SMOC2: variants seen among roughly 807,000 people sequenced by gnomAD.
SMOC2 encodes SPARC related modular calcium binding 2.
Under a neutral mutation model 61.4 loss-of-function variants are expected in SMOC2, and 39 were observed. The observed-to-expected ratio is 0.64, with a 90% confidence interval of 0.49 to 0.83. SMOC2 has a LOEUF of 0.83. Ranked by LOEUF, SMOC2 falls within the 40% of genes least tolerant of loss-of-function variation. SMOC2 has a pLI of 0.00. For missense variants in SMOC2, 556 were observed against 592.9 expected (o/e 0.94, Z 0.65); for synonymous variants, 247 against 239.9 (o/e 1.03, Z -0.27).
At chr6:168,517,352 C>T (rs1281428731) in intron 2 of SMOC2, among the ~76,000 whole-genome samples, 1 of 152,226 alleles carries the variant, frequency 6.6e-6, no homozygotes, top group Non-Finnish European at 1.5e-5. Flanking sequence ...CAGGCCTTCT[C>T]AAGCCGCCTC....
chr6:168,449,797 T>C (rs1464159094), intron 1 of SMOC2, among the ~76,000 whole-genome samples: 1 of 152,226 alleles, frequency 6.6e-6, no homozygotes, highest in Non-Finnish European at 1.5e-5. Flanking sequence ...AATAAACACG[T>C]GCTTTTCTGT....
intron 1 of SMOC2, among the ~76,000 whole-genome samples, chr6:168,485,594 C>T (rs1782312427): frequency 1.3e-5 from 2 of 152,004 alleles, no homozygotes; most frequent in South Asian, 4.2e-4. Flanking sequence ...ATATGAGTCT[C>T]TATATAAAAT....
At chr6:168,468,916 T>G (rs901900685) in intron 1 of SMOC2, among the ~76,000 whole-genome samples, 3 of 152,222 alleles carry the variant, frequency 2.0e-5, no homozygotes, top group African/African-American at 7.2e-5. Flanking sequence ...GTTAAGCAGT[T>G]TTATCCATAA....
At chr6:168,569,282 G>A (rs1361569905) in intron 7 of SMOC2, among the ~76,000 whole-genome samples, 1 of 152,064 alleles carries the variant, frequency 6.6e-6, no homozygotes, top group African/African-American at 2.4e-5. Context: ...AATGACATAG[G>A]GTATTGAATG....
At chr6:168,504,087 T>C (rs1264170501) in intron 1 of SMOC2, among the ~76,000 whole-genome samples, 1 of 152,098 alleles carries the variant, frequency 6.6e-6, no homozygotes, top group Non-Finnish European at 1.5e-5. Flanking sequence ...GATTTCTTCC[T>C]ACTGCTGGCC....
intron 1 of SMOC2, among the ~76,000 whole-genome samples, chr6:168,494,843 TCA>T (rs1782550144): frequency 1.3e-5 from 2 of 152,322 alleles, no homozygotes; most frequent in African/African-American, 4.8e-5. Flanking sequence ...TGGGATGGAA[TCA>T]CAGCCTTGTC....
intron 7 of SMOC2, among the ~76,000 whole-genome samples, chr6:168,578,123 G>A (rs142196911): frequency 7.9e-5 from 12 of 152,324 alleles, no homozygotes; most frequent in Admixed American, 2.6e-4. Flanking sequence ...AACAATCACC[G>A]TGCATTTGCA....
At chr6:168,637,949 T>A (rs1786784631) in intron 9 of SMOC2, among the ~76,000 whole-genome samples, 2 of 150,830 alleles carry the variant, frequency 1.3e-5, no homozygotes, top group African/African-American at 4.9e-5. Flanking sequence ...AGCTGGATGC[T>A]GAGCGGGAGC....
intron 7 of SMOC2, among the ~76,000 whole-genome samples, chr6:168,558,234 T>C (rs1258731811): frequency 6.6e-6 from 1 of 152,174 alleles, no homozygotes; most frequent in Non-Finnish European, 1.5e-5. Flanking sequence ...CTTCTCATTG[T>C]CTTATTTAGG....
At chr6:168,547,086 T>G in intron 5 of SMOC2, 33 bp from the exon 6 acceptor site, 6 of 1,613,928 alleles carry the variant, frequency 3.7e-6, no homozygotes, top group Non-Finnish European at 5.1e-6. Flanking sequence ...ATAATTGTAG[T>G]CTCCTTGCAA....
chr6:168,619,047 C>G lies in SMOC2; in HGVS notation c.907+10808C>G, dbSNP rs1381748786. Among the ~76,000 whole-genome samples, 5 of 152,188 alleles carry G rather than the reference C, an allele frequency of 3.3e-5. 1 individual carries two copies. On this transcript the variant is annotated intron_variant, in intron 9 of 12. Transcript: ENST00000356284. ...GTGTTAGATGACCTATGACCTGACACAAAATGACCCTCAGCACGGATCGGA... is the reference window on the plus strand; with the variant it reads ...GTGTTAGATGACCTATGACCTGACAGAAAATGACCCTCAGCACGGATCGGA...
In SMOC2 at chr6:168,541,347, C is replaced by T. The variant is rs547820683; in HGVS notation, c.464-2278C>T. Reference sequence around the variant, plus strand: ...AGCCCGGGGTTCACAAAGGTGTTCACTGTCTGCAGACACTGTGCGTATCAG... The same window carrying T: ...AGCCCGGGGTTCACAAAGGTGTTCATTGTCTGCAGACACTGTGCGTATCAG... On this transcript the variant is annotated intron_variant, in intron 4 of 12. Coordinates refer to ENST00000356284, the MANE Select transcript of SMOC2 (RefSeq NM_001166412.2). Among the ~76,000 whole-genome samples, 19 of 152,354 alleles carry T rather than the reference C, an allele frequency of 1.2e-4. No homozygotes were observed. The South Asian group carries it at 2.7e-3, about 22-fold the overall frequency.
chr6:168,658,931 GTGTA>G (rs1286070302), intron 11 of SMOC2, among the ~76,000 whole-genome samples: 2 of 144,992 alleles, frequency 1.4e-5, no homozygotes, highest in Admixed American at 6.9e-5. Context: ...TGTGGAGTGT[GTGTA>G]TGTGTGGTGT....
In SMOC2 at chr6:168,487,403, G is replaced by A. The variant is rs1003122401; in HGVS notation, c.85-22512G>A. Among the ~76,000 whole-genome samples, 48 of 152,294 alleles carry A rather than the reference G, an allele frequency of 3.2e-4. 1 individual carries two copies. Among genetic ancestry groups the A allele is most frequent in the Admixed American group, 2.2e-3 (34 of 15,280 alleles). ...GAGATGCTGTGCCAACAGTATTTGGGAATTGCTTCTATATGGTGCATTTTA... is the reference window on the plus strand; with the variant it reads ...GAGATGCTGTGCCAACAGTATTTGGAAATTGCTTCTATATGGTGCATTTTA... On this transcript the variant is annotated intron_variant, in intron 1 of 12. Transcript: ENST00000356284.
At chr6:168,509,811 C>CT in intron 1 of SMOC2, 104 bp from the exon 2 acceptor site, 1 of 1,185,896 alleles carries the variant, frequency 8.4e-7, no homozygotes, top group South Asian at 1.8e-5. Context: ...ATCCCTCAAG[C>CT]TTTCATTCCC....
At chr6:168,617,905 G>A (rs6938318) in intron 9 of SMOC2, among the ~76,000 whole-genome samples, 136,831 of 152,274 alleles carry the variant, frequency 0.9, 61,559 homozygotes, top group Middle Eastern at 0.98. Flanking sequence ...CGCGTCCAGC[G>A]CCTCGCTGAG....
Position 168,558,912 on chromosome 6 carries a change from T to C in SMOC2, c.637+9709T>C, listed in dbSNP as rs145369143. 1.5e-3 allele frequency among the ~76,000 whole-genome samples: 226 copies of C among 152,064 alleles called. 2 individuals carry two copies. Among genetic ancestry groups the C allele is most frequent in the African/African-American group, 4.6e-3 (192 of 41,516 alleles). On this transcript the variant is annotated intron_variant, in intron 7 of 12. Transcript: ENST00000356284. ...GCGTGTGCATGTGTGTGCACGTGTGTATGTGTGCTTGTGCGCACGTGTGTG... is the reference window on the plus strand; with the variant it reads ...GCGTGTGCATGTGTGTGCACGTGTGCATGTGTGCTTGTGCGCACGTGTGTG...
chr6:168,466,270 AG>A (rs1781830656), intron 1 of SMOC2, among the ~76,000 whole-genome samples: 1 of 150,798 alleles, frequency 6.6e-6, no homozygotes, highest in Non-Finnish European at 1.5e-5. Flanking sequence ...TGCTGCTCTG[AG>A]AGCTGGAACT....
In SMOC2 at chr6:168,667,189, T is replaced by G. The variant is rs1787682482; in HGVS notation, c.*751T>G. The G allele has an allele frequency of 6.6e-6, 1 of 152,228 alleles. No individual in the cohort carries two copies. Among genetic ancestry groups the G allele is most frequent in the Admixed American group, 6.5e-5 (1 of 15,270 alleles). The allele number at this position is 152,228 out of a possible 1,614,324, so 9.4% of individuals were successfully genotyped here. On this transcript the variant is annotated 3_prime_UTR_variant, in exon 13 of 13. Transcript: ENST00000356284. ...TAGGAGGCAGTAAATCCAGTCACAG[T>G]GCCTGGGAGGGGCCCATCCTTCCAA...
Sources: allele counts gnomAD v4.1 joint callset (sites outside exome capture counted in the v4.1 genomes callset), GRCh38; gene constraint gnomAD v4.1.1; transcripts MANE v1.5; gene names NCBI Gene and HGNC (gene_info 2026-07-23, HGNC 2026-07-21).